CCNY: variants seen among roughly 807,000 people sequenced by gnomAD.
The protein encoded by CCNY is cyclin Y, also known as cyclin-Y.
Under a neutral mutation model 42.8 loss-of-function variants are expected in CCNY, and 19 were observed. The observed-to-expected ratio is 0.44, with a 90% CI of 0.31 to 0.65. CCNY has a LOEUF of 0.65. CCNY is among the 30% of genes least tolerant of loss of function. The pLI is 0.07. For synonymous variants in CCNY, 165 were observed against 162.7 expected, an observed-to-expected ratio of 1.01 and a Z score of -0.11; for missense variants, 370 against 437.3, an observed-to-expected ratio of 0.85 and a Z score of 1.37.
intron 1 of CCNY, among the ~76,000 whole-genome samples, chr10:35,461,975 A>T (rs192054571): frequency 6.6e-6 from 1 of 151,956 alleles, no homozygotes; most frequent in East Asian, 1.9e-4. Context: ...CCTTACACTC[A>T]ATATAGTTAT....
At position 35,500,103 on chromosome 10, in the gene CCNY, C is replaced by T. The variant is rs528837709; in HGVS notation, c.230-1398C>T. On this transcript the variant is annotated intron_variant, in intron 2 of 9. Coordinates refer to ENST00000374704, the MANE Select transcript of CCNY (RefSeq NM_145012.6). ...TAGCAGACCAGTTTGTTGCTGCTGT[C>T]TGTGCACTCGTGCTCTGTGTGCGCT... 7.9e-5 allele frequency among the ~76,000 whole-genome samples: 12 copies of T among 152,344 alleles called. No individual in the cohort carries two copies. The East Asian group carries it at 2.3e-3, about 29-fold the overall frequency.
At chr10:35,380,215 A>G (rs149203595) in intron 1 of CCNY, among the ~76,000 whole-genome samples, 29 of 152,310 alleles carry the variant, frequency 1.9e-4, no homozygotes, top group Non-Finnish European at 2.9e-4. Context: ...TTTGGTTTGT[A>G]TTTTGTAATG....
At chr10:35,485,751 A>T (rs993849471) in intron 2 of CCNY, among the ~76,000 whole-genome samples, 1 of 151,860 alleles carries the variant, frequency 6.6e-6, no homozygotes. Context: ...AAAAAAAAAA[A>T]ACACGTAGAT....
chr10:35,517,882 G>A (rs564556730), intron 4 of CCNY, among the ~76,000 whole-genome samples: 1 of 152,162 alleles, frequency 6.6e-6, no homozygotes, highest in Non-Finnish European at 1.5e-5. Flanking sequence ...AGTACCTTTG[G>A]AAGTATTTTC....
intron 3 of CCNY, among the ~76,000 whole-genome samples, chr10:35,252,919 C>A (rs2095712964): frequency 1.3e-5 from 2 of 152,116 alleles, no homozygotes; most frequent in African/African-American, 4.8e-5. Context: ...CGCAGAAAGT[C>A]CTCATTTAGA....
intron 2 of CCNY, among the ~76,000 whole-genome samples, chr10:35,485,370 A>T (rs185977070): frequency 6.6e-6 from 1 of 152,358 alleles, no homozygotes; most frequent in East Asian, 1.9e-4. Flanking sequence ...CAGTTTGCTG[A>T]AATTAAGTGC....
At chr10:35,540,157 G>T (rs979133276) in intron 7 of CCNY, among the ~76,000 whole-genome samples, 4 of 152,218 alleles carry the variant, frequency 2.6e-5, no homozygotes, top group African/African-American at 9.7e-5. Flanking sequence ...GATATTAGGT[G>T]TGAAGCTTTC....
intron 3 of CCNY, among the ~76,000 whole-genome samples, chr10:35,272,085 C>A (rs957230645): frequency 9.2e-5 from 14 of 152,154 alleles, no homozygotes; most frequent in African/African-American, 3.4e-4. Flanking sequence ...CTGCCAGGTT[C>A]AAGTGATTCT....
chr10:35,482,752 GTGTGTGTGTGTGTGT>G (rs1362375016), intron 1 of CCNY, among the ~76,000 whole-genome samples: 1 of 43,656 alleles, frequency 2.3e-5, no homozygotes, highest in African/African-American at 2.0e-4. Flanking sequence ...GGAAATAGGT[GTGTGTGTGTGTGTGT>G]GTGTGTGTGT....
chr10:35,551,173 A>G (rs969360899), intron 7 of CCNY, among the ~76,000 whole-genome samples: 2 of 152,148 alleles, frequency 1.3e-5, no homozygotes, highest in Non-Finnish European at 2.9e-5. Flanking sequence ...GTGCATTCGC[A>G]TCCCGTAAGA....
intron 1 of CCNY, among the ~76,000 whole-genome samples, chr10:35,389,394 C>T (rs1460245315): frequency 2.0e-5 from 3 of 151,578 alleles, no homozygotes; most frequent in African/African-American, 7.3e-5. Flanking sequence ...ACTCTTTCAA[C>T]TCCCTGATTT....
chr10:35,345,426 G>A (rs980400502), intron 1 of CCNY, among the ~76,000 whole-genome samples: 2 of 146,976 alleles, frequency 1.4e-5, no homozygotes, highest in African/African-American at 5.1e-5. Context: ...CCGAGGTAGC[G>A]CCACTGCACT....
chr10:35,383,888 C>T (rs1184652379), intron 1 of CCNY, among the ~76,000 whole-genome samples: 1 of 152,004 alleles, frequency 6.6e-6, no homozygotes, highest in Admixed American at 6.6e-5. Context: ...CTTTCCTGCA[C>T]TACTCTAAGC....
chr10:35,341,589 G>A, intron 1 of CCNY, among the ~76,000 whole-genome samples: 1 of 152,190 alleles, frequency 6.6e-6, no homozygotes, highest in East Asian at 1.9e-4. Flanking sequence ...AATATTTGTT[G>A]AATGAATTTG....
chr10:35,322,337 G>A (rs1427999224), intron 3 of CCNY, among the ~76,000 whole-genome samples: 12 of 145,696 alleles, frequency 8.2e-5, no homozygotes, highest in African/African-American at 3.1e-4. Context: ...CTGGGTGACA[G>A]AGCAAGACTC....
At chr10:35,295,461 A>G (rs2135067693) in intron 3 of CCNY, among the ~76,000 whole-genome samples, 1 of 151,980 alleles carries the variant, frequency 6.6e-6, no homozygotes, top group African/African-American at 2.4e-5. Flanking sequence ...TGAACTCCGA[A>G]CCTCAGGTGA....
At chr10:35,479,898 T>C (rs567232172) in intron 1 of CCNY, among the ~76,000 whole-genome samples, 30 of 152,294 alleles carry the variant, frequency 2.0e-4, no homozygotes, top group Non-Finnish European at 2.1e-4. Context: ...CCTTCATGGC[T>C]AAAATTGCAG....
chr10:35,495,374 C>G (rs549526458), intron 2 of CCNY, among the ~76,000 whole-genome samples: 40 of 152,290 alleles, frequency 2.6e-4, no homozygotes, highest in African/African-American at 9.4e-4. Context: ...CTGTGAGAAA[C>G]AGAAAACCTC....
At chr10:35,361,106 C>T (rs1286800263) in intron 1 of CCNY, among the ~76,000 whole-genome samples, 1 of 152,216 alleles carries the variant, frequency 6.6e-6, no homozygotes, top group African/African-American at 2.4e-5. Context: ...ATCCCCCCGC[C>T]TCGGCCTCCC....
Sources: gnomAD v4.1 joint callset for allele counts (sites outside exome capture counted in the v4.1 genomes callset) on GRCh38, gnomAD v4.1.1 for gene constraint, MANE v1.5 for transcripts, NCBI Gene and HGNC (gene_info 2026-07-23, HGNC 2026-07-21) for gene names.